MAP3K2: variants seen among roughly 807,000 people sequenced by gnomAD.
MAP3K2 encodes mitogen-activated protein kinase kinase kinase 2.
A neutral mutation model predicts 80.3 loss-of-function variants in MAP3K2; 24 were observed. That is an observed-to-expected ratio of 0.30 (90% CI 0.22 to 0.42). The LOEUF (loss-of-function observed/expected upper bound fraction) is 0.42. Among genes scored for constraint, MAP3K2 ranks in the 10% least tolerant of loss-of-function variants. The pLI, the probability that MAP3K2 is intolerant of heterozygous loss-of-function variation, is 1.00. For synonymous variants in MAP3K2, 244 were observed against 253.7 expected (o/e 0.96, Z 0.36); for missense variants, 608 against 750.1 (o/e 0.81, Z 2.21).
chr2:127,388,250 G>C (rs1310404642), upstream of MAP3K2: 32 of 984,822 alleles, frequency 3.2e-5, no homozygotes, highest in Non-Finnish European at 3.6e-5. Flanking sequence ...ATACGCACCT[G>C]GGTTGTCTCG....
intron 5 of MAP3K2, among the ~76,000 whole-genome samples, chr2:127,331,379 C>T (rs1411417035): frequency 6.6e-6 from 1 of 152,132 alleles, no homozygotes; most frequent in Non-Finnish European, 1.5e-5. Context: ...CTGCTCTACT[C>T]AGCACAATAT....
intron 1 of MAP3K2, among the ~76,000 whole-genome samples, chr2:127,363,520 A>G (rs1172007776): frequency 6.6e-6 from 1 of 152,124 alleles, no homozygotes; most frequent in Non-Finnish European, 1.5e-5. Flanking sequence ...GATATCAAAC[A>G]CAGTACTTCT....
intron 1 of MAP3K2, among the ~76,000 whole-genome samples, chr2:127,354,041 G>A (rs1055495925): frequency 2.0e-5 from 3 of 151,852 alleles, no homozygotes; most frequent in Non-Finnish European, 4.4e-5. Flanking sequence ...ATGCTTGAAG[G>A]CAACAGGCTC....
At position 127,340,500 on chromosome 2, in the gene MAP3K2, T is replaced by C. The variant is rs557974917; in HGVS notation, c.5-1450A>G. Among the ~76,000 whole-genome samples the C allele has an allele frequency of 6.6e-5, 10 of 152,082 alleles. No individual in the cohort carries two copies. The East Asian group carries it at 1.2e-3, about 18-fold the overall frequency. ...GGTGAAACCCCGTCTCCACTAAAAA[T>C]ACAAAAATTAGCCAGGCATGGTGGC... is the stretch of plus-strand genomic sequence containing the variant. On this transcript the variant is annotated intron_variant, in intron 2 of 16. Coordinates refer to ENST00000682094, the MANE Select transcript of MAP3K2 (RefSeq NM_001371910.2).
At chr2:127,311,612 C>G (rs901289257) in intron 15 of MAP3K2, among the ~76,000 whole-genome samples, 12 of 152,154 alleles carry the variant, frequency 7.9e-5, no homozygotes, top group African/African-American at 2.9e-4. Context: ...CTGGACAATC[C>G]TGCCCCAGCC....
intron 1 of MAP3K2, among the ~76,000 whole-genome samples, chr2:127,385,336 A>G (rs781664745): frequency 5.9e-5 from 9 of 152,234 alleles, no homozygotes; most frequent in Non-Finnish European, 1.3e-4. Flanking sequence ...CAGCAAAAAG[A>G]TTACAATTCC....
At chr2:127,383,519 C>G (rs1230285813) in intron 1 of MAP3K2, among the ~76,000 whole-genome samples, 1 of 152,094 alleles carries the variant, frequency 6.6e-6, no homozygotes, top group African/African-American at 2.4e-5. Context: ...TTTTTGTACA[C>G]TGATTTTGTA....
At chr2:127,373,614 T>C (rs577547443) in intron 1 of MAP3K2, among the ~76,000 whole-genome samples, 7 of 152,182 alleles carry the variant, frequency 4.6e-5, no homozygotes, top group Non-Finnish European at 1.0e-4. Context: ...TCAAAGGCAA[T>C]TAGATCGCAC....
intron 1 of MAP3K2, among the ~76,000 whole-genome samples, chr2:127,345,345 T>C (rs113378692): frequency 2.6e-5 from 4 of 152,226 alleles, no homozygotes; most frequent in African/African-American, 7.2e-5. Context: ...TATAAACTTA[T>C]ATGTACCTAA....
intron 1 of MAP3K2, among the ~76,000 whole-genome samples, chr2:127,373,246 C>T (rs1004417610): frequency 1.3e-5 from 2 of 152,084 alleles, no homozygotes; most frequent in Non-Finnish European, 2.9e-5. Context: ...ACTAGCAGCC[C>T]CAACAGAGCC....
At chr2:127,379,973 G>A (rs1488609795) in intron 1 of MAP3K2, among the ~76,000 whole-genome samples, 1 of 152,196 alleles carries the variant, frequency 6.6e-6, no homozygotes, top group Non-Finnish European at 1.5e-5. Flanking sequence ...ACTGAAATCA[G>A]TGCCTAGAAC....
intron 1 of MAP3K2, among the ~76,000 whole-genome samples, chr2:127,354,216 G>A (rs1181747068): frequency 9.4e-6 from 1 of 106,424 alleles, no homozygotes; most frequent in Non-Finnish European, 1.8e-5. Context: ...ACCCCTCTGC[G>A]AGAAACACCC....
chr2:127,371,666 G>A (rs1687067320), intron 1 of MAP3K2, among the ~76,000 whole-genome samples: 1 of 152,118 alleles, frequency 6.6e-6, no homozygotes, highest in Admixed American at 6.5e-5. Context: ...AACACACAAA[G>A]CCAAAATATT....
intron 2 of MAP3K2, among the ~76,000 whole-genome samples, chr2:127,341,673 C>CA (rs1406857732): frequency 1.3e-5 from 2 of 151,536 alleles, no homozygotes; most frequent in African/African-American, 4.9e-5. Flanking sequence ...GCTGGGACTA[C>CA]AGGCGCACGC....
rs966328305 is a variant in MAP3K2 at position 127,307,853 on chromosome 2, A to G, written c.1635-49T>C. On this transcript the variant is annotated intron_variant, in intron 16 of 16. Transcript: ENST00000682094. This position sits in a 1 kb window ranked among gnomAD's most constrained non-coding sequence, Gnocchi z 5.4. Reference sequence around the variant, plus strand: ...CATTACACAAACAACAACATGAAAGAAAGCTAGTTAGCTAGAAAATGAGAA... The same window carrying G: ...CATTACACAAACAACAACATGAAAGGAAGCTAGTTAGCTAGAAAATGAGAA... 20 of 1,273,968 alleles carry G rather than the reference A, an allele frequency of 1.6e-5. No homozygotes were observed. The highest frequency in any genetic ancestry group is 2.2e-5 in the Admixed American group (1 of 45,614). The allele number at this position is 1,273,968 out of a possible 1,614,324, so 78.9% of individuals were successfully genotyped here. A position where few individuals can be genotyped will look rare whatever the true frequency, so the allele number is the denominator to read the frequency against.
Position 127,306,470 on chromosome 2 carries a change from CATG to C in MAP3K2, c.*1106_*1108del, listed in dbSNP as rs1685700769. ...TCCACTTTTGGCAACCACTGTTTCA[CATG>C]ATACCTGTTTTTTTGAGGTGCTTTA... On this transcript the variant is annotated 3_prime_UTR_variant, in exon 17 of 17. Coordinates refer to ENST00000682094, the MANE Select transcript of MAP3K2 (RefSeq NM_001371910.2). The surrounding 1 kb of genome is among the most constrained non-coding windows in gnomAD (Gnocchi z 4.7). The C allele has an allele frequency of 6.6e-6, 1 of 152,170 alleles. No individual in the cohort carries two copies. Among genetic ancestry groups the C allele is most frequent in the Non-Finnish European group, 1.5e-5 (1 of 68,034 alleles). 9.4% of individuals were successfully genotyped at this position (152,170 alleles called of 1,614,324 possible).
intron 11 of MAP3K2, among the ~76,000 whole-genome samples, chr2:127,323,578 C>G (rs1686070302): frequency 6.6e-6 from 1 of 151,400 alleles, no homozygotes; most frequent in African/African-American, 2.4e-5. Flanking sequence ...TGGCACACAC[C>G]TGAACTCAGG....
chr2:127,323,739 G>A (rs1260030064), intron 11 of MAP3K2, among the ~76,000 whole-genome samples, 163 bp downstream of exon 11: 1 of 152,146 alleles, frequency 6.6e-6, no homozygotes, highest in Admixed American at 6.5e-5. Context: ...AGTCTTATAA[G>A]TTGTCATAAA....
rs149295635 is a variant in MAP3K2 at position 127,349,644 on chromosome 2, T to C, written c.-65-6450A>G. On this transcript the variant is annotated intron_variant, in intron 1 of 16. Transcript: ENST00000682094. ...AGGGCCAAAAAGATAATATAACTTA[T>C]AAAGTTGGACAAAGCTAAGACTTGA... Among the ~76,000 whole-genome samples the C allele has an allele frequency of 8.1e-3, 1,226 of 152,274 alleles. 12 individuals carry two copies. The highest frequency in any genetic ancestry group is 0.037 in the Middle Eastern group (11 of 294).
Sources: allele counts gnomAD v4.1 joint callset (sites outside exome capture counted in the v4.1 genomes callset), GRCh38; gene constraint gnomAD v4.1.1; non-coding constraint Gnocchi (gnomAD v3.1); transcripts MANE v1.5; gene names NCBI Gene and HGNC (gene_info 2026-07-23, HGNC 2026-07-21).